CYFIP2: variants seen among roughly 807,000 people sequenced by gnomAD.
CYFIP2 encodes the protein cytoplasmic FMR1 interacting protein 2.
In CYFIP2, 29 loss-of-function variants were observed where a neutral mutation model predicts 158.7. The observed-to-expected ratio is 0.18, with a 90% confidence interval of 0.14 to 0.25. The LOEUF is 0.25. Ranked by LOEUF, CYFIP2 falls within the 10% of genes least tolerant of loss-of-function variation. The pLI is 1.00. For missense variants in CYFIP2, 852 were observed against 1,639.5 expected (o/e 0.52, Z 8.29); for synonymous variants, 585 against 617.6 (o/e 0.95, Z 0.78).
At chr5:157,322,819 C>T (rs149803439) in intron 15 of CYFIP2, 18 of 1,019,004 alleles carry the variant, frequency 1.8e-5, no homozygotes, top group South Asian at 3.1e-5. Context: ...GCAGTCGCGG[C>T]GGCTTTCCCA....
At position 157,285,573 on chromosome 5, in the gene CYFIP2, T is replaced by A. The variant is rs908895113; in HGVS notation, c.117+95T>A. 3 of 1,119,086 alleles carry A rather than the reference T, an allele frequency of 2.7e-6. No homozygotes were observed. In the African/African-American group the frequency reaches 4.7e-5, roughly 18 times the overall value. The allele number at this position is 1,119,086 out of a possible 1,614,324, so 69.3% of individuals were successfully genotyped here. On this transcript the variant is annotated intron_variant, in intron 2 of 30. Transcript: ENST00000620254. The stretch of plus-strand genomic sequence containing the variant: ...AGGCAGAGGGAAGGGGAGGTCTGCA[T>A]CTAGAAGGTGAAAGGTTGTGAGCTG...
At chr5:157,321,626 C>G (rs1760598615) in intron 15 of CYFIP2, among the ~76,000 whole-genome samples, 1 of 152,228 alleles carries the variant, frequency 6.6e-6, no homozygotes, top group Admixed American at 6.5e-5. Flanking sequence ...AAGGGTCTCA[C>G]AGGCCTCACT....
At chr5:157,314,649 A>G (rs1272216079) in intron 12 of CYFIP2, among the ~76,000 whole-genome samples, 186 bp downstream of exon 12, 2 of 152,180 alleles carry the variant, frequency 1.3e-5, no homozygotes, top group Non-Finnish European at 2.9e-5. Flanking sequence ...AGCCACAGTC[A>G]AATTTAGAAC....
intron 28 of CYFIP2, among the ~76,000 whole-genome samples, chr5:157,387,578 A>G (rs904437006): frequency 7.9e-5 from 12 of 152,220 alleles, no homozygotes; most frequent in Non-Finnish European, 1.6e-4. Flanking sequence ...TGTACCAGAC[A>G]TTCTCTTTCT....
rs757817918 is a variant in CYFIP2 at position 157,324,009 on chromosome 5, T to C, written c.1760T>C (p.Ile587Thr). The change falls in exon 16 of 31, where the codon ATT becomes ACT. Residue 587 changes from isoleucine to threonine, a missense_variant. Ile to Thr is a moderately conservative substitution (Grantham distance 89). This residue lies in a region of CYFIP2 where 167 missense variants were observed against 343.3 expected (regional missense o/e 0.49). Coordinates refer to ENST00000620254, the MANE Select transcript of CYFIP2 (RefSeq NM_001037333.3). ...CTGAGGAGCAGCCTGGATGGACCCA[T>C]TGTCCTCGCCATAGAGGACTTTCAC... ...KTLRSSLDGP[I>T]VLAIEDFHKQ... 8.1e-6 allele frequency: 13 copies of C among 1,613,502 alleles called. No homozygotes were observed. The highest frequency in any genetic ancestry group is 1.1e-5 in the Non-Finnish European group (13 of 1,179,758).
intron 28 of CYFIP2, among the ~76,000 whole-genome samples, chr5:157,387,568 T>A (rs1255789519): frequency 6.6e-6 from 1 of 152,244 alleles, no homozygotes. Flanking sequence ...GCGTCTCCCC[T>A]GTACCAGACA....
chr5:157,333,396 T>A lies in CYFIP2; in HGVS notation c.2335T>A (p.Leu779Met). ...CATCTCTGCCGCCATGTATAAATCC[T>A]TGGACCAAGCTATCAGCCGCTTTGA... The part of the protein sequence containing the change: ...QRISAAMYKS[L>M]DQAISRFESE... The change falls in exon 21 of 31, where the codon TTG becomes ATG. Residue 779 changes from leucine (L) to methionine (M), a missense_variant. This residue lies in a region of CYFIP2 where 191 missense variants were observed against 311.2 expected (regional missense o/e 0.61). Coordinates refer to ENST00000620254, the MANE Select transcript of CYFIP2 (RefSeq NM_001037333.3). 2 of 1,614,002 alleles carry A rather than the reference T, an allele frequency of 1.2e-6. No homozygotes were observed. The highest frequency in any genetic ancestry group is 1.7e-6 in the Non-Finnish European group (2 of 1,179,886).
At chr5:157,297,273 G>T (rs538673356) in intron 5 of CYFIP2, among the ~76,000 whole-genome samples, 1 of 152,330 alleles carries the variant, frequency 6.6e-6, no homozygotes, top group African/African-American at 2.4e-5. Context: ...GAAGTGCCTG[G>T]GTGTGAGGGA....
At chr5:157,286,552 G>GTGTATA (rs762316044) in intron 2 of CYFIP2, among the ~76,000 whole-genome samples, 27 of 138,132 alleles carry the variant, frequency 2.0e-4, no homozygotes, top group African/African-American at 7.3e-4. Flanking sequence ...GCTATTTTAT[G>GTGTATA]TATATATATA....
intron 26 of CYFIP2, among the ~76,000 whole-genome samples, chr5:157,369,337 C>T (rs1304720166): frequency 6.6e-6 from 1 of 152,048 alleles, no homozygotes; most frequent in African/African-American, 2.4e-5. Flanking sequence ...AGCTTAGATA[C>T]AAAATAGAGT....
chr5:157,309,883 C>G lies in CYFIP2; in HGVS notation c.992+49C>G, dbSNP rs751027634. On this transcript the variant is annotated intron_variant, in intron 10 of 30. Transcript: ENST00000620254. ...TCGGCTCCCGCAAGGATGCCCAGCC[C>G]GGGCAGAGAGCCGAGGGGCCACTTC... 3.3e-6 allele frequency: 5 copies of G among 1,529,276 alleles called. No homozygotes were observed. In the South Asian group the frequency reaches 4.8e-5, roughly 15 times the overall value. 94.7% of individuals were successfully genotyped at this position (1,529,276 alleles called of 1,614,324 possible). A position where few individuals can be genotyped will look rare whatever the true frequency, so the allele number is the denominator to read the frequency against.
chr5:157,298,710 C>G (rs1266594880), intron 5 of CYFIP2, among the ~76,000 whole-genome samples: 2 of 152,092 alleles, frequency 1.3e-5, no homozygotes, highest in African/African-American at 4.8e-5. Flanking sequence ...GGCCATCACC[C>G]CATAATACCT....
chr5:157,371,087 C>T (rs1764953593), intron 26 of CYFIP2, among the ~76,000 whole-genome samples: 1 of 152,186 alleles, frequency 6.6e-6, no homozygotes, highest in South Asian at 2.1e-4. Flanking sequence ...GGGCTGGAAG[C>T]TGTGGCTTGT....
At chr5:157,369,709 G>A (rs1332624056) in intron 26 of CYFIP2, among the ~76,000 whole-genome samples, 1 of 152,128 alleles carries the variant, frequency 6.6e-6, no homozygotes, top group Non-Finnish European at 1.5e-5. Context: ...TACAGTCTGC[G>A]CTACTGAGTA....
At chr5:157,341,043 T>A in intron 22 of CYFIP2, 27 bp from the exon 23 acceptor site, 2 of 1,603,896 alleles carry the variant, frequency 1.2e-6, no homozygotes, top group Non-Finnish European at 1.7e-6. Context: ...CCATATTAAC[T>A]CTTTCCCATC....
At chr5:157,378,261 T>C (rs1250104222) in intron 26 of CYFIP2, among the ~76,000 whole-genome samples, 1 of 152,184 alleles carries the variant, frequency 6.6e-6, no homozygotes, top group Admixed American at 6.5e-5. Flanking sequence ...CCTCTGGAAG[T>C]TGGGAATAAA....
intron 26 of CYFIP2, among the ~76,000 whole-genome samples, chr5:157,374,960 G>C (rs769250711): frequency 7.2e-5 from 11 of 152,298 alleles, no homozygotes; most frequent in Non-Finnish European, 1.5e-4. Flanking sequence ...CTCATTCTAG[G>C]GGGCAGAGTC....
chr5:157,270,850 G>A (rs552072134), intron 1 of CYFIP2, among the ~76,000 whole-genome samples: 190 of 152,280 alleles, frequency 1.2e-3, no homozygotes, highest in African/African-American at 4.5e-3. Flanking sequence ...ATTGGCTCAT[G>A]CAGTCAACAA....
intron 23 of CYFIP2, among the ~76,000 whole-genome samples, chr5:157,352,920 G>A (rs1308796947): frequency 6.6e-6 from 1 of 152,176 alleles, no homozygotes; most frequent in Non-Finnish European, 1.5e-5. Flanking sequence ...AGACCCAGCA[G>A]AGAGATGGGA....
Sources: gnomAD v4.1 joint callset for allele counts (sites outside exome capture counted in the v4.1 genomes callset) on GRCh38, gnomAD v4.1.1 for gene constraint, gnomAD v4.1.1 regional missense constraint, MANE v1.5 for transcripts, NCBI Gene and HGNC (gene_info 2026-07-23, HGNC 2026-07-21) for gene names.